KLHL29: variants seen among roughly 807,000 people sequenced by gnomAD.
The protein encoded by KLHL29 is kelch like family member 29.
In KLHL29, 21 loss-of-function variants were observed where a neutral mutation model predicts 80.4. The observed-to-expected ratio is 0.26, with a 90% confidence interval of 0.19 to 0.38. The LOEUF (loss-of-function observed/expected upper bound fraction) is 0.38, where lower values mean the gene tolerates loss of function less well. Among genes scored for constraint, KLHL29 ranks in the 10% least tolerant of loss-of-function variants. KLHL29 has a pLI of 1.00. For synonymous variants in KLHL29, 511 were observed against 526.8 expected, an observed-to-expected ratio of 0.97 and a Z score of 0.41; for missense variants, 867 against 1,223.9, an observed-to-expected ratio of 0.71 and a Z score of 4.35.
chr2:23,525,412 G>C (rs1201276218), intron 2 of KLHL29, among the ~76,000 whole-genome samples: 1 of 152,270 alleles, frequency 6.6e-6, no homozygotes, highest in African/African-American at 2.4e-5. Context: ...AATGCCGTCA[G>C]TGCCTTGGTT....
At chr2:23,685,891 G>C (rs1430804713) in intron 6 of KLHL29, among the ~76,000 whole-genome samples, 1 of 152,194 alleles carries the variant, frequency 6.6e-6, no homozygotes, top group Non-Finnish European at 1.5e-5. Context: ...CTTGGGCCTG[G>C]CTCCAAACCA....
intron 1 of KLHL29, among the ~76,000 whole-genome samples, chr2:23,425,109 T>TA (rs1297516907): frequency 3.3e-5 from 5 of 152,216 alleles, no homozygotes; most frequent in South Asian, 2.1e-4. Flanking sequence ...TGAACGTTAT[T>TA]AAAAAATGGT....
At chr2:23,661,340 T>TAAAAA (rs11483622) in intron 5 of KLHL29, among the ~76,000 whole-genome samples, 3 of 134,912 alleles carry the variant, frequency 2.2e-5, no homozygotes, top group African/African-American at 8.6e-5. Flanking sequence ...AGACCCTGTC[T>TAAAAA]AAAAAAAAAA....
chr2:23,493,810 C>T (rs934019333), intron 2 of KLHL29, among the ~76,000 whole-genome samples: 2 of 152,134 alleles, frequency 1.3e-5, no homozygotes, highest in Non-Finnish European at 1.5e-5. Flanking sequence ...AAATGGAAAA[C>T]ACATTCTGGG....
At chr2:23,577,216 G>A (rs763225668) in intron 3 of KLHL29, among the ~76,000 whole-genome samples, 20 of 152,230 alleles carry the variant, frequency 1.3e-4, no homozygotes, top group Admixed American at 9.2e-4. Flanking sequence ...TTGGGAGGCC[G>A]AGGTGGGCGG....
Position 23,642,810 on chromosome 2 carries a change from C to T in KLHL29, c.900C>T (p.Gly300=), listed in dbSNP as rs1037566917. The T allele has an allele frequency of 1.3e-5, 20 of 1,550,328 alleles. No homozygotes were observed. In the African/African-American group the frequency reaches 1.6e-4, roughly 13 times the overall value. The part of the protein sequence containing the change: ...AHGLQMLRTI[G]VGKYEFTDPG... ...GGCTGCAGATGCTGCGGACCATTGG[C>T]GTGGGGAAGTATGAGTTCACCGACC... Residue 300 remains glycine (G), a synonymous_variant, in exon 5 of 14, where the codon GGC becomes GGT. Transcript: ENST00000486442.
intron 2 of KLHL29, among the ~76,000 whole-genome samples, chr2:23,496,015 G>A (rs991623892): frequency 2.0e-5 from 3 of 152,222 alleles, no homozygotes; most frequent in Non-Finnish European, 4.4e-5. Flanking sequence ...AGCCCGAGCT[G>A]CAGCCAGTCA....
rs1263039500 is a variant in KLHL29 at position 23,639,227 on chromosome 2, C to G, written c.374C>G (p.Pro125Arg). ...CAGACGCCTATCAATCAGTCCACAC[C>G]CTGGGACACTGATGAGCCACCCTCC... ...WGQTPINQST[P>R]WDTDEPPSKQ... The change falls in exon 4 of 14, where the codon CCC becomes CGC. Residue 125 changes from proline (P) to arginine (R), a missense_variant. Around this residue, in one of 2 missense-constraint regions of KLHL29, gnomAD observed 424 missense variants for 456.9 expected, o/e 0.93. Transcript: ENST00000486442. 1.3e-6 allele frequency: 2 copies of G among 1,548,854 alleles called. No homozygotes were observed. The highest frequency in any genetic ancestry group is 1.7e-6 in the Non-Finnish European group (2 of 1,145,774).
intron 3 of KLHL29, among the ~76,000 whole-genome samples, chr2:23,627,977 G>A (rs1248405297): frequency 6.9e-6 from 1 of 144,834 alleles, no homozygotes; most frequent in Non-Finnish European, 1.5e-5. Flanking sequence ...GCACGATCTC[G>A]GCTCACCGCA....
At chr2:23,526,433 G>T (rs1192446537) in intron 2 of KLHL29, among the ~76,000 whole-genome samples, 3 of 152,258 alleles carry the variant, frequency 2.0e-5, no homozygotes, top group Non-Finnish European at 2.9e-5. Flanking sequence ...GGCTGGTGCA[G>T]AGGGCTCTGC....
At chr2:23,401,047 A>G (rs1017376176) in intron 1 of KLHL29, among the ~76,000 whole-genome samples, 36 of 152,356 alleles carry the variant, frequency 2.4e-4, no homozygotes, top group Non-Finnish European at 3.8e-4. Context: ...TTCCAGTAAC[A>G]TGGACAAATT....
At chr2:23,653,229 T>C (rs1032473008) in intron 5 of KLHL29, among the ~76,000 whole-genome samples, 1 of 152,056 alleles carries the variant, frequency 6.6e-6, no homozygotes, top group Non-Finnish European at 1.5e-5. Context: ...GGCTCAGAGG[T>C]ATCACCTAGC....
chr2:23,442,480 A>G (rs1160473452), intron 1 of KLHL29, among the ~76,000 whole-genome samples: 2 of 152,164 alleles, frequency 1.3e-5, no homozygotes, highest in Non-Finnish European at 2.9e-5. Flanking sequence ...AGAGTGATGC[A>G]GAGTTTGTCT....
At chr2:23,487,003 G>A (rs1664948199) in intron 2 of KLHL29, among the ~76,000 whole-genome samples, 2 of 152,162 alleles carry the variant, frequency 1.3e-5, no homozygotes, top group African/African-American at 2.4e-5. Context: ...CTCCTGTACC[G>A]AGAAGTAAAC....
chr2:23,394,964 C>G (rs1281406007), intron 1 of KLHL29, among the ~76,000 whole-genome samples: 1 of 152,228 alleles, frequency 6.6e-6, no homozygotes, highest in Non-Finnish European at 1.5e-5. Context: ...GTGCTTAGAA[C>G]TGTGCTGACA....
rs569430271 is a variant in KLHL29, at chr2:23,446,163, A to G, written c.-153-29397A>G. On this transcript the variant is annotated intron_variant, in intron 1 of 13. Coordinates refer to ENST00000486442, the MANE Select transcript of KLHL29 (RefSeq NM_052920.2). ...CCACTCATGTTTTCTTCTAGTACAC[A>G]TAGAACTTCATTATTTAGTTAGCTG... is the stretch of plus-strand genomic sequence containing the variant. Among the ~76,000 whole-genome samples, 11 of 151,176 alleles carry G rather than the reference A, an allele frequency of 7.3e-5. 1 individual carries two copies. The East Asian group carries it at 1.9e-3, about 27-fold the overall frequency.
At chr2:23,561,379 A>G (rs1370058007) in intron 2 of KLHL29, among the ~76,000 whole-genome samples, 1 of 152,190 alleles carries the variant, frequency 6.6e-6, no homozygotes, top group Non-Finnish European at 1.5e-5. Context: ...GAAGGGCCTT[A>G]TGCTCAGAGG....
intron 3 of KLHL29, among the ~76,000 whole-genome samples, chr2:23,574,822 A>G (rs1395649847): frequency 6.6e-6 from 1 of 152,162 alleles, no homozygotes; most frequent in Non-Finnish European, 1.5e-5. Context: ...CTGACCCACC[A>G]CGCCATTTCC....
chr2:23,494,521 C>A (rs1362307744), intron 2 of KLHL29, among the ~76,000 whole-genome samples: 1 of 152,194 alleles, frequency 6.6e-6, no homozygotes, highest in African/African-American at 2.4e-5. Context: ...GCAACCAATC[C>A]AGGCTGCTCT....
Sources: allele counts gnomAD v4.1 joint callset (sites outside exome capture counted in the v4.1 genomes callset), GRCh38; gene constraint gnomAD v4.1.1; regional missense constraint gnomAD v4.1.1; transcripts MANE v1.5; gene names NCBI Gene and HGNC (gene_info 2026-07-23, HGNC 2026-07-21).